Variants in IQCM observed in about 807,000 individuals in gnomAD.
IQCM encodes IQ domain-containing protein M.
In IQCM, 45 loss-of-function variants were observed where a neutral mutation model predicts 57.6. The observed-to-expected ratio is 0.78, with a 90% CI of 0.62 to 1.00. The LOEUF (loss-of-function observed/expected upper bound fraction) is 1.00. Ranked by LOEUF, IQCM falls within the 50% of genes least tolerant of loss-of-function variation. The probability of loss-of-function intolerance (pLI) is 0.00; values close to 1 mark genes in which losing one functional copy is unlikely to be tolerated. For synonymous variants in IQCM, 148 were observed against 158.9 expected, an observed-to-expected ratio of 0.93 and a Z score of 0.51; for missense variants, 468 against 511.6, an observed-to-expected ratio of 0.91 and a Z score of 0.82.
intron 13 of IQCM, among the ~76,000 whole-genome samples, chr4:149,383,365 T>C (rs1030986967): frequency 6.6e-6 from 1 of 152,214 alleles, no homozygotes; most frequent in South Asian, 2.1e-4. Context: ...TTAATGGCTC[T>C]CTAAGGATAA....
chr4:149,431,048 T>C (rs528800135), intron 13 of IQCM, among the ~76,000 whole-genome samples: 1 of 151,616 alleles, frequency 6.6e-6, no homozygotes, highest in African/African-American at 2.4e-5. Context: ...TAAAAAAAAT[T>C]ACAAAAATTA....
At chr4:149,628,953 C>T (rs1045214578) in intron 7 of IQCM, among the ~76,000 whole-genome samples, 1 of 152,072 alleles carries the variant, frequency 6.6e-6, no homozygotes, top group Non-Finnish European at 1.5e-5. Flanking sequence ...AATTGCCTTC[C>T]ATGTGTAAAG....
rs949692323 is a variant in IQCM, at chr4:149,464,800, G to A, written c.1229-31243C>T. On this transcript the variant is annotated intron_variant, in intron 12 of 13. Transcript: ENST00000636793. ...CTATCAACTGGTGCCTCTCAGGTAC[G>A]TAAAATATGGCTAATGTGACTAAAG... Among the ~76,000 whole-genome samples, 8 of 152,178 alleles carry A rather than the reference G, an allele frequency of 5.3e-5. No individual in the cohort carries two copies. The South Asian group carries it at 8.3e-4, about 16-fold the overall frequency.
chr4:149,449,501 A>G (rs1299452759), intron 12 of IQCM, among the ~76,000 whole-genome samples: 1 of 150,126 alleles, frequency 6.7e-6, no homozygotes, highest in Non-Finnish European at 1.5e-5. Context: ...ACTGAAAAAC[A>G]AATTCAGTAA....
At chr4:149,575,091 G>A (rs1299297514) in intron 9 of IQCM, among the ~76,000 whole-genome samples, 1 of 151,924 alleles carries the variant, frequency 6.6e-6, no homozygotes, top group African/African-American at 2.4e-5. Context: ...ATTTGGATCT[G>A]CTGCTACCAA....
intron 13 of IQCM, among the ~76,000 whole-genome samples, chr4:149,380,793 T>A (rs6810439): frequency 0.4 from 61,203 of 152,050 alleles, 12,842 homozygotes; most frequent in East Asian, 0.51. Context: ...ACATTCTACA[T>A]CTTCAATTCC....
At chr4:149,445,381 T>G (rs1021377523) in intron 12 of IQCM, among the ~76,000 whole-genome samples, 36 of 151,910 alleles carry the variant, frequency 2.4e-4, no homozygotes, top group South Asian at 1.2e-3. Context: ...ATATACGTAG[T>G]TATTTCTCAT....
At chr4:149,603,511 A>G (rs187109717) in intron 8 of IQCM, among the ~76,000 whole-genome samples, 10 of 152,200 alleles carry the variant, frequency 6.6e-5, no homozygotes, top group Non-Finnish European at 1.3e-4. Flanking sequence ...CTTCATTACT[A>G]GGATCCCCTA....
At chr4:149,356,241 T>G (rs1436439103) in intron 13 of IQCM, among the ~76,000 whole-genome samples, 4 of 152,200 alleles carry the variant, frequency 2.6e-5, no homozygotes, top group African/African-American at 9.7e-5. Context: ...AGAAGCTCTT[T>G]AGTTTAATTA....
intron 13 of IQCM, among the ~76,000 whole-genome samples, chr4:149,366,303 T>G (rs1729831604): frequency 6.6e-6 from 1 of 151,994 alleles, no homozygotes; most frequent in Admixed American, 6.6e-5. Flanking sequence ...TTTCAACAAA[T>G]TTTAGAAACA....
At chr4:149,675,679 G>T (rs1337677197) in intron 7 of IQCM, among the ~76,000 whole-genome samples, 3 of 151,978 alleles carry the variant, frequency 2.0e-5, no homozygotes, top group Non-Finnish European at 2.9e-5. Flanking sequence ...GGAGACTGAG[G>T]TAGACACAGC....
At chr4:149,614,355 G>T (rs959580315) in intron 8 of IQCM, among the ~76,000 whole-genome samples, 1 of 152,074 alleles carries the variant, frequency 6.6e-6, no homozygotes. Context: ...CATTAAAGAG[G>T]TCTACATGGC....
chr4:149,392,494 G>T (rs1342723325), intron 13 of IQCM, among the ~76,000 whole-genome samples: 2 of 151,956 alleles, frequency 1.3e-5, no homozygotes, highest in Non-Finnish European at 2.9e-5. Flanking sequence ...AAAAGGAAAT[G>T]ACATAGATAC....
chr4:149,556,725 C>T (rs956958708), intron 10 of IQCM, among the ~76,000 whole-genome samples: 1 of 152,152 alleles, frequency 6.6e-6, no homozygotes, highest in Non-Finnish European at 1.5e-5. Flanking sequence ...AATATACAAG[C>T]CACAAATACC....
At chr4:149,609,581 A>G (rs984929039) in intron 8 of IQCM, among the ~76,000 whole-genome samples, 1 of 151,958 alleles carries the variant, frequency 6.6e-6, no homozygotes, top group South Asian at 2.1e-4. Context: ...AGATGGCAAA[A>G]CACACAGATT....
At chr4:149,681,280 A>T (rs559667533) in intron 7 of IQCM, among the ~76,000 whole-genome samples, 1 of 151,386 alleles carries the variant, frequency 6.6e-6, no homozygotes, top group East Asian at 1.9e-4. Flanking sequence ...TTGCCCTGGG[A>T]CCTCAAATTA....
intron 2 of IQCM, among the ~76,000 whole-genome samples, chr4:149,768,735 T>G (rs1366988741): frequency 2.0e-5 from 3 of 151,988 alleles, no homozygotes; most frequent in South Asian, 2.1e-4. Context: ...CCAAAGATCA[T>G]TAGGGAAAAT....
chr4:149,388,848 T>G (rs1731638606), intron 13 of IQCM, among the ~76,000 whole-genome samples: 1 of 149,862 alleles, frequency 6.7e-6, no homozygotes, highest in African/African-American at 2.4e-5. Flanking sequence ...TAGGTTGCCT[T>G]TTATTATAAA....
intron 12 of IQCM, among the ~76,000 whole-genome samples, chr4:149,469,921 G>T (rs925080119): frequency 6.6e-6 from 1 of 152,114 alleles, no homozygotes; most frequent in Non-Finnish European, 1.5e-5. Flanking sequence ...ACAAACAAAG[G>T]CTGAGAGATT....
Sources: allele counts gnomAD v4.1 joint callset (sites outside exome capture counted in the v4.1 genomes callset), GRCh38; gene constraint gnomAD v4.1.1; transcripts MANE v1.5; gene names NCBI Gene and HGNC (gene_info 2026-07-23, HGNC 2026-07-21).